The following SCD5 variants were observed in gnomAD, a reference collection of about 807,000 sequenced individuals.
SCD5 encodes the protein stearoyl-CoA desaturase 5.
SCD5 carries 20 observed loss-of-function variants against 30.4 expected under a neutral mutation model. The observed-to-expected ratio is 0.66, with a 90% CI of 0.46 to 0.96. SCD5 has a LOEUF of 0.96. Ranked by LOEUF, SCD5 falls within the 40% of genes least tolerant of loss-of-function variation. The pLI, the probability that SCD5 is intolerant of heterozygous loss-of-function variation, is 0.00. For missense variants in SCD5, 381 were observed against 443.3 expected, an observed-to-expected ratio of 0.86 and a Z score of 1.26; for synonymous variants, 173 against 176.4, an observed-to-expected ratio of 0.98 and a Z score of 0.16.
chr4:82,644,711 C>T (rs187271594), intron 3 of SCD5, among the ~76,000 whole-genome samples: 2,059 of 152,124 alleles, frequency 0.014, 16 homozygotes, highest in Middle Eastern at 0.024. Context: ...TGGACTGGTG[C>T]CCATGTAGGA....
intron 1 of SCD5, among the ~76,000 whole-genome samples, chr4:82,772,581 G>A (rs1721650923): frequency 6.6e-6 from 1 of 152,212 alleles, no homozygotes; most frequent in African/African-American, 2.4e-5. Context: ...ATGGCTGGAT[G>A]GTCTAGGATG....
At chr4:82,735,544 G>A (rs1294249025) in intron 1 of SCD5, among the ~76,000 whole-genome samples, 1 of 152,212 alleles carries the variant, frequency 6.6e-6, no homozygotes, top group African/African-American at 2.4e-5. Context: ...GACGCAGTGC[G>A]AAAGCGCTCA....
chr4:82,782,798 GGATTCCTGTGGAGGGAACACACCC>G (rs1317089091), intron 1 of SCD5, among the ~76,000 whole-genome samples: 1 of 152,192 alleles, frequency 6.6e-6, no homozygotes, highest in Non-Finnish European at 1.5e-5. Flanking sequence ...ACCAACGTGT[GGATTCCTGTGGAGGGAACACACCC>G]ACGGCTATTC....
intron 2 of SCD5, among the ~76,000 whole-genome samples, chr4:82,699,301 C>T (rs1719763343): frequency 2.0e-5 from 3 of 152,166 alleles, no homozygotes; most frequent in Admixed American, 2.0e-4. Flanking sequence ...TCCGAATGTC[C>T]TTGGATAGGT....
chr4:82,728,784 G>A (rs188742461), intron 1 of SCD5, among the ~76,000 whole-genome samples: 1 of 152,260 alleles, frequency 6.6e-6, no homozygotes, highest in Non-Finnish European at 1.5e-5. Context: ...TGACAATTCT[G>A]ATTCTCCCAT....
At chr4:82,720,730 G>A (rs1308232282) in intron 1 of SCD5, among the ~76,000 whole-genome samples, 1 of 152,130 alleles carries the variant, frequency 6.6e-6, no homozygotes, top group East Asian at 1.9e-4. Flanking sequence ...TCTTTCCTCA[G>A]GCATTGCCCT....
At chr4:82,719,590 G>A (rs1264291199) in intron 1 of SCD5, among the ~76,000 whole-genome samples, 1 of 148,962 alleles carries the variant, frequency 6.7e-6, no homozygotes, top group Non-Finnish European at 1.5e-5. Context: ...TGCAAATTCC[G>A]CCTCCCAGGT....
At chr4:82,662,088 T>C (rs1728023671) in intron 3 of SCD5, among the ~76,000 whole-genome samples, 2 of 152,174 alleles carry the variant, frequency 1.3e-5, no homozygotes, top group African/African-American at 4.8e-5. Context: ...GGTCTCCCTG[T>C]GTCACTCACT....
intron 1 of SCD5, among the ~76,000 whole-genome samples, chr4:82,796,598 C>T (rs1485472587): frequency 6.6e-6 from 1 of 152,130 alleles, no homozygotes; most frequent in African/African-American, 2.4e-5. Flanking sequence ...GAAGTGGAGC[C>T]AGTGAGCCCT....
chr4:82,685,725 A>G (rs541235965), intron 2 of SCD5, among the ~76,000 whole-genome samples: 162 of 151,910 alleles, frequency 1.1e-3, no homozygotes, highest in South Asian at 7.9e-3. Context: ...AAACAAAACA[A>G]ACAAAAAAAA....
Position 82,635,577 on chromosome 4 carries a change from C to T in SCD5, c.802+1014G>A, listed in dbSNP as rs529943428. 6.2e-5 allele frequency among the ~76,000 whole-genome samples: 9 copies of T among 145,506 alleles called. No individual in the cohort carries two copies. The East Asian group carries it at 1.7e-3, about 27-fold the overall frequency. On this transcript the variant is annotated intron_variant, in intron 4 of 4. Coordinates refer to ENST00000319540, the MANE Select transcript of SCD5 (RefSeq NM_001037582.3). ...CAGAGCTTGCAGTGAGCCAAGATCA[C>T]GCCACTGCACTCCAGCCTGGCAACA...
At chr4:82,679,464 T>C (rs1024860295) in intron 3 of SCD5, among the ~76,000 whole-genome samples, 2 of 152,122 alleles carry the variant, frequency 1.3e-5, no homozygotes, top group East Asian at 3.9e-4. Flanking sequence ...CAGAGAATTC[T>C]CTAGTCTATC....
intron 3 of SCD5, among the ~76,000 whole-genome samples, chr4:82,640,306 A>T (rs1002010178): frequency 6.6e-6 from 1 of 152,180 alleles, no homozygotes; most frequent in Non-Finnish European, 1.5e-5. Context: ...GTGGTTTCCC[A>T]GGGGTAAGGA....
intron 1 of SCD5, among the ~76,000 whole-genome samples, chr4:82,733,824 T>C (rs1015534907): frequency 1.3e-5 from 2 of 152,130 alleles, no homozygotes; most frequent in Admixed American, 6.5e-5. Context: ...TGGTGGTGAC[T>C]CAGGCCCACC....
At chr4:82,716,751 G>A (rs1000428760) in intron 1 of SCD5, among the ~76,000 whole-genome samples, 4 of 151,448 alleles carry the variant, frequency 2.6e-5, no homozygotes, top group African/African-American at 9.8e-5. Flanking sequence ...GAGGCAGAGG[G>A]TGCAATGAGC....
intron 1 of SCD5, among the ~76,000 whole-genome samples, chr4:82,750,014 A>G (rs913343579): frequency 2.6e-5 from 4 of 152,236 alleles, no homozygotes; most frequent in African/African-American, 9.6e-5. Flanking sequence ...AACTGTAGCA[A>G]GTTACTTCCC....
At chr4:82,730,549 G>A (rs1720614945) in intron 1 of SCD5, among the ~76,000 whole-genome samples, 1 of 148,750 alleles carries the variant, frequency 6.7e-6, no homozygotes, top group Non-Finnish European at 1.5e-5. Flanking sequence ...GCCCACCTTG[G>A]CCTCCCAAAG....
intron 1 of SCD5, among the ~76,000 whole-genome samples, chr4:82,730,624 T>A (rs6838057): frequency 3.6e-5 from 5 of 140,210 alleles, no homozygotes; most frequent in African/African-American, 8.3e-5. Context: ...CTCACTCTGT[T>A]GCCCAGGCTG....
At chr4:82,701,279 CTT>C (rs1365636840) in intron 2 of SCD5, among the ~76,000 whole-genome samples, 11 of 151,738 alleles carry the variant, frequency 7.2e-5, no homozygotes, top group African/African-American at 2.7e-4. Flanking sequence ...AGAAAATAGA[CTT>C]ATACAAAATG....
Sources: gnomAD v4.1 joint callset for allele counts (sites outside exome capture counted in the v4.1 genomes callset) on GRCh38, gnomAD v4.1.1 for gene constraint, MANE v1.5 for transcripts, NCBI Gene and HGNC (gene_info 2026-07-23, HGNC 2026-07-21) for gene names.